Variants in KIAA1549 observed in about 807,000 individuals in gnomAD.
KIAA1549 encodes KIAA1549.
Under a neutral mutation model 156.4 loss-of-function variants are expected in KIAA1549, and 70 were observed. The ratio of observed to expected loss-of-function variants is 0.45; its 90% CI spans 0.37 to 0.55. The LOEUF is 0.55. Among genes scored for constraint, KIAA1549 ranks in the 20% least tolerant of loss-of-function variants. KIAA1549 has a pLI of 0.00. For missense variants in KIAA1549, 2,428 were observed against 2,540.9 expected, an observed-to-expected ratio of 0.96 and a Z score of 0.96; for synonymous variants, 1,103 against 1,066.4, an observed-to-expected ratio of 1.03 and a Z score of -0.67.
intron 15 of KIAA1549, among the ~76,000 whole-genome samples, chr7:138,863,075 A>G (rs1214688525): frequency 1.3e-5 from 2 of 152,214 alleles, no homozygotes; most frequent in Non-Finnish European, 2.9e-5. Context: ...AATATACACC[A>G]GGTAAACTGT....
intron 12 of KIAA1549, among the ~76,000 whole-genome samples, chr7:138,875,708 T>A (rs78511689): frequency 0.045 from 6,917 of 152,246 alleles, 495 homozygotes; most frequent in African/African-American, 0.16. Context: ...TGAAAGAGAA[T>A]AGTTCAGCCT....
chr7:138,929,722 C>T (rs182522638), intron 1 of KIAA1549, among the ~76,000 whole-genome samples: 1 of 152,194 alleles, frequency 6.6e-6, no homozygotes, highest in East Asian at 1.9e-4. Flanking sequence ...CAGTGCCTTG[C>T]TCTATTTCCC....
In KIAA1549 at chr7:138,905,031, C is replaced by T. The variant is rs1234170761; in HGVS notation, c.3511G>A (p.Val1171Ile). The T allele has an allele frequency of 5.7e-6, 9 of 1,570,856 alleles. No homozygotes were observed. The highest frequency in any genetic ancestry group is 1.4e-5 in the African/African-American group (1 of 73,974). ...CATAAGTTAAACATACCTGTTCTGACCCAAGAGGACTTCAGCAACTGAGAT... is the reference window on the plus strand; with the variant it reads ...CATAAGTTAAACATACCTGTTCTGATCCAAGAGGACTTCAGCAACTGAGAT... ...NLSQLLKSSW[V>I]RTVLLGVMEK... The change falls in exon 7 of 20, where the codon GTC becomes ATC. Residue 1171 changes from valine (V) to isoleucine (I), a missense_variant. Val to Ile is a conservative substitution (Grantham distance 29, BLOSUM62 3). Transcript: ENST00000422774.
rs199869689 is a variant in KIAA1549, at chr7:138,840,208, C to A, written c.5523G>T (p.Pro1841=). Residue 1841 remains proline, a synonymous_variant, in exon 19 of 20, where the codon CCG becomes CCT. Transcript: ENST00000422774. ...SRIGAQPVEI[P]PSRGSQYGGP... The stretch of plus-strand genomic sequence containing the variant: ...CCCCATACTGGCTGCCTCTGCTTGG[C>A]GGGATTTCCACTGGCTGAGCTCCAA... 120 of 1,576,658 alleles carry A rather than the reference C, an allele frequency of 7.6e-5. No homozygotes were observed. In the African/African-American group the frequency reaches 1.5e-3, roughly 20 times the overall value.
At chr7:138,906,535 T>G (rs1261872631) in intron 6 of KIAA1549, among the ~76,000 whole-genome samples, 1 of 152,212 alleles carries the variant, frequency 6.6e-6, no homozygotes, top group African/African-American at 2.4e-5. Context: ...TTACTATTAT[T>G]CTAAGTGAAA....
At chr7:138,875,377 G>C (rs78719318) in intron 12 of KIAA1549, among the ~76,000 whole-genome samples, 1 of 152,144 alleles carries the variant, frequency 6.6e-6, no homozygotes, top group East Asian at 1.9e-4. Context: ...GGGCATAGTG[G>C]CTCATGCCTA....
chr7:138,900,119 TG>T (rs1477416734), intron 8 of KIAA1549, among the ~76,000 whole-genome samples: 1 of 152,246 alleles, frequency 6.6e-6, no homozygotes, highest in Non-Finnish European at 1.5e-5. Context: ...TCCACACGTA[TG>T]GGTTTGTAAC....
chr7:138,835,819 A>G lies in KIAA1549; in HGVS notation c.*2087T>C, dbSNP rs1584976010. On this transcript the variant is annotated 3_prime_UTR_variant, in exon 20 of 20. Coordinates refer to ENST00000422774, the MANE Select transcript of KIAA1549 (RefSeq NM_001164665.2). ...AGCCCAGAAAGGGGCATTCTCTCCA[A>G]TGCTCCTTGGAGCCTCTGAGGATCG... 1 of 221,414 alleles carries G rather than the reference A, an allele frequency of 4.5e-6. No homozygotes were observed. Among genetic ancestry groups the G allele is most frequent in the Non-Finnish European group, 9.0e-6 (1 of 110,674 alleles). The allele number at this position is 221,414 out of a possible 1,614,324, so 13.7% of individuals were successfully genotyped here.
chr7:138,929,339 C>T (rs1254658789), intron 1 of KIAA1549, among the ~76,000 whole-genome samples: 2 of 152,212 alleles, frequency 1.3e-5, no homozygotes, highest in Admixed American at 6.5e-5. Flanking sequence ...TTTCTTTGCT[C>T]ATCCATAAGA....
At chr7:138,871,960 A>G (rs1261697093) in intron 12 of KIAA1549, among the ~76,000 whole-genome samples, 1 of 152,198 alleles carries the variant, frequency 6.6e-6, no homozygotes, top group African/African-American at 2.4e-5. Flanking sequence ...CTTGCAGGGA[A>G]TTAGTTCCTA....
At chr7:138,880,050 CAGGATGCT>C (rs1368103353) in intron 11 of KIAA1549, among the ~76,000 whole-genome samples, 5 of 152,196 alleles carry the variant, frequency 3.3e-5, no homozygotes, top group Admixed American at 3.3e-4. Context: ...GCAGAATCCT[CAGGATGCT>C]AGAGTAGCTA....
rs764288647 is a variant in KIAA1549 at position 138,861,433 on chromosome 7, A to G, written c.4953T>C (p.Asp1651=). 6.2e-7 allele frequency: 1 copy of G among 1,611,546 alleles called. No individual in the cohort carries two copies. Among genetic ancestry groups the G allele is most frequent in the South Asian group, 1.1e-5 (1 of 90,498 alleles). ...GCPSDPDLPA[D]VQTPSSVELG... Reference sequence around the variant, plus strand: ...GTTCCACCGAGGATGGTGTCTGCACATCGGCTGGGAGGTCAGGATCCGACT... The same window carrying G: ...GTTCCACCGAGGATGGTGTCTGCACGTCGGCTGGGAGGTCAGGATCCGACT... The change falls in exon 16 of 20, where the codon GAT becomes GAC. Residue 1651 remains aspartate, a synonymous_variant. Transcript: ENST00000422774.
chr7:138,896,275 T>C (rs918608964), intron 9 of KIAA1549, among the ~76,000 whole-genome samples: 12 of 152,112 alleles, frequency 7.9e-5, no homozygotes, highest in Non-Finnish European at 1.5e-4. Flanking sequence ...AGGTATCTGC[T>C]CAAAGACGTA....
chr7:138,919,698 TAC>T (rs1812501645), intron 1 of KIAA1549, among the ~76,000 whole-genome samples: 1 of 152,214 alleles, frequency 6.6e-6, no homozygotes, highest in South Asian at 2.1e-4. Context: ...AGGGCATATT[TAC>T]AGTTTTTCCC....
intron 1 of KIAA1549, among the ~76,000 whole-genome samples, chr7:138,953,809 C>T (rs649428): frequency 0.42 from 63,936 of 152,130 alleles, 17,699 homozygotes; most frequent in African/African-American, 0.8. Flanking sequence ...TAAACAAGCA[C>T]TTATTTCATA....
At chr7:138,970,174 A>T (rs1364716379) in intron 1 of KIAA1549, among the ~76,000 whole-genome samples, 1 of 152,082 alleles carries the variant, frequency 6.6e-6, no homozygotes, top group Admixed American at 6.5e-5. Context: ...CCCAGACGAC[A>T]GTTTGTTTAT....
Position 138,871,240 on chromosome 7 carries a change from C to G in KIAA1549, c.4468G>C (p.Ala1490Pro), listed in dbSNP as rs772969704. Residue 1490 changes from alanine to proline, a missense_variant, in exon 13 of 20, where the codon GCC becomes CCC. Around this residue, in one of 5 missense-constraint regions of KIAA1549, gnomAD observed 404 missense variants for 417.0 expected, o/e 0.97. Coordinates refer to ENST00000422774, the MANE Select transcript of KIAA1549 (RefSeq NM_001164665.2). ...GGAGGTGCCGGGATCGGCTGCATGGCGATAAGCTGGATCTTACTGGGGACC... is the reference window on the plus strand; with the variant it reads ...GGAGGTGCCGGGATCGGCTGCATGGGGATAAGCTGGATCTTACTGGGGACC... ...RRVPSKIQLI[A>P]MQPIPAPPVQ... The G allele has an allele frequency of 6.2e-7, 1 of 1,612,896 alleles. No homozygotes were observed. The highest frequency in any genetic ancestry group is 8.5e-7 in the Non-Finnish European group (1 of 1,179,640).
chr7:138,939,019 AAAATT>A lies in KIAA1549; in HGVS notation c.188-19586_188-19582del, dbSNP rs201173060. On this transcript the variant is annotated intron_variant, in intron 1 of 19. Transcript: ENST00000422774. ...GCCGAGTGAGACTCTGTCTCAAAAA[AAAATT>A]AATTAATTAAACTTTTTATTATAAA... 7.8e-3 allele frequency among the ~76,000 whole-genome samples: 1,192 copies of A among 152,356 alleles called. 12 individuals carry two copies. The highest frequency in any genetic ancestry group is 0.025 in the African/African-American group (1,033 of 41,582).
chr7:138,894,624 C>T (rs953354922), intron 9 of KIAA1549, 98 bp from the exon 10 acceptor site: 5 of 1,177,222 alleles, frequency 4.2e-6, no homozygotes, highest in Non-Finnish European at 2.4e-6. Flanking sequence ...CCCTGACATT[C>T]CAGCTCAAGA....
Sources: gnomAD v4.1 joint callset for allele counts (sites outside exome capture counted in the v4.1 genomes callset) on GRCh38, gnomAD v4.1.1 for gene constraint, gnomAD v4.1.1 regional missense constraint, MANE v1.5 for transcripts, NCBI Gene and HGNC (gene_info 2026-07-23, HGNC 2026-07-21) for gene names.